The following ZSWIM9 variants were observed in gnomAD, a reference collection of about 807,000 sequenced individuals.
ZSWIM9 encodes uncharacterized protein ZSWIM9.
ZSWIM9 carries 11 observed loss-of-function variants against 25.0 expected under a neutral mutation model. The observed-to-expected ratio is 0.44, with a 90% CI of 0.28 to 0.73. The LOEUF is 0.73. Ranked by LOEUF, ZSWIM9 falls within the 30% of genes least tolerant of loss-of-function variation. The probability of loss-of-function intolerance (pLI) is 0.16; values close to 1 mark genes in which losing one functional copy is unlikely to be tolerated. For missense variants in ZSWIM9, 1,070 were observed against 1,296.5 expected, an observed-to-expected ratio of 0.83 and a Z score of 2.68; for synonymous variants, 562 against 582.1, an observed-to-expected ratio of 0.97 and a Z score of 0.50.
intron 3 of ZSWIM9, among the ~76,000 whole-genome samples, chr19:48,184,032 G>A (rs2036984423): frequency 6.6e-6 from 1 of 151,816 alleles, no homozygotes; most frequent in Non-Finnish European, 1.5e-5. Context: ...TTCTCAAGGG[G>A]AGAACACACC....
rs2037154692 is a variant in ZSWIM9, at chr19:48,195,746, G to T, written c.1682G>T (p.Gly561Val). 31 of 1,485,598 alleles carry T rather than the reference G, an allele frequency of 2.1e-5. No homozygotes were observed. The highest frequency in any genetic ancestry group is 2.8e-5 in the Non-Finnish European group (31 of 1,125,656). The allele number at this position is 1,485,598 out of a possible 1,614,324, so 92.0% of individuals were successfully genotyped here. The change falls in exon 4 of 4, where the codon GGG (glycine) becomes GTG (valine). Residue 561 changes from glycine (G) to valine (V), a missense_variant. Gly to Val is a moderately radical substitution (Grantham distance 109). Coordinates refer to ENST00000614654, the MANE Select transcript of ZSWIM9 (RefSeq NM_199341.4). The surrounding 1 kb of genome is among the most constrained non-coding windows in gnomAD (Gnocchi z 5.8). ...GGGCCAGAGATTAGAGACTGGAGGG[G>T]GCCCCAGTTGGAGGGTGAGAAAGAT... ...LRGPEIRDWRGPQLEGEKDWG... is the reference protein window; with the variant it reads ...LRGPEIRDWRVPQLEGEKDWG...
In ZSWIM9 at chr19:48,196,088, C is replaced by A; in HGVS notation, c.2024C>A (p.Ala675Asp). The change falls in exon 4 of 4, where the codon GCC becomes GAC. Residue 675 changes from alanine to aspartate, a missense_variant. Ala to Asp is a moderately radical substitution (Grantham distance 126, BLOSUM62 -2). Coordinates refer to ENST00000614654, the MANE Select transcript of ZSWIM9 (RefSeq NM_199341.4). ...GIPLEKSLEL[A>D]PENGDQRGPQ... ...CCCTTGGAGAAGTCCCTGGAGTTGG[C>A]CCCTGAGAACGGAGACCAAAGGGGA... 1.6e-6 allele frequency: 2 copies of A among 1,242,598 alleles called. No homozygotes were observed. The highest frequency in any genetic ancestry group is 2.0e-6 in the Non-Finnish European group (2 of 994,824). The allele number at this position is 1,242,598 out of a possible 1,614,324, so 77.0% of individuals were successfully genotyped here. A position where few individuals can be genotyped will look rare whatever the true frequency, so the allele number is the denominator to read the frequency against.
Position 48,197,257 on chromosome 19 carries a change from TGAAG to T in ZSWIM9, c.*433_*436del, listed in dbSNP as rs1486556606. ...AAAGGGAGAAAGTACAGAAGACAGA[TGAAG>T]GAGAGGAGGTAAGCGAGAAAAAATG... On this transcript the variant is annotated 3_prime_UTR_variant, in exon 4 of 4. Transcript: ENST00000614654. 7.2e-6 allele frequency: 5 copies of T among 697,028 alleles called. No individual in the cohort carries two copies. Among genetic ancestry groups the T allele is most frequent in the Non-Finnish European group, 1.3e-5 (5 of 383,150 alleles). The allele number at this position is 697,028 out of a possible 1,614,324, so 43.2% of individuals were successfully genotyped here.
At chr19:48,178,801 C>G (rs919474680) in intron 2 of ZSWIM9, among the ~76,000 whole-genome samples, 1 of 152,110 alleles carries the variant, frequency 6.6e-6, no homozygotes, top group Non-Finnish European at 1.5e-5. Context: ...GTCTCGAACT[C>G]TTGACCTCGT....
At chr19:48,176,062 C>T (rs373461144) in intron 2 of ZSWIM9, among the ~76,000 whole-genome samples, 7 of 152,034 alleles carry the variant, frequency 4.6e-5, no homozygotes, top group African/African-American at 1.7e-4. Context: ...AAAAATTAGC[C>T]GGGCCTGGTG....
In ZSWIM9 at chr19:48,182,373, T is replaced by TAAAAA; in HGVS notation, c.276-72_276-68dup. On this transcript the variant is annotated intron_variant, in intron 2 of 3. Transcript: ENST00000614654. This position sits in a 1 kb window ranked among gnomAD's most constrained non-coding sequence, Gnocchi z 4.6. ...TCTATGCCTGAAACAATTCTTAGTT[T>TAAAAA]AAAAAAAAAAAAAAGGTGAGTGGAA... 4 of 1,029,926 alleles carry TAAAAA rather than the reference T, an allele frequency of 3.9e-6. No homozygotes were observed. The highest frequency in any genetic ancestry group is 1.7e-5 in the African/African-American group (1 of 58,532). The allele number at this position is 1,029,926 out of a possible 1,614,324, so 63.8% of individuals were successfully genotyped here.
rs1322454851 is a variant in ZSWIM9 at position 48,182,673 on chromosome 19, G to A, written c.494G>A (p.Arg165His). 1.5e-5 allele frequency: 23 copies of A among 1,535,630 alleles called. No homozygotes were observed. Among genetic ancestry groups the A allele is most frequent in the African/African-American group, 6.8e-5 (5 of 73,022 alleles). ...SKQFVAPADV[R>H]RLLSYCKGRD... ...CAGTTCGTGGCCCCAGCCGACGTGC[G>A]CCGCCTGCTGTCCTACTGCAAGGGC... The change falls in exon 3 of 4, where the codon CGC becomes CAC. Residue 165 changes from arginine (R) to histidine (H), a missense_variant. Physicochemically the swap from Arg to His is conservative, Grantham distance 29 (BLOSUM62 0). Around this residue, in one of 4 missense-constraint regions of ZSWIM9, gnomAD observed 265 missense variants for 339.0 expected, o/e 0.78. Coordinates refer to ENST00000614654, the MANE Select transcript of ZSWIM9 (RefSeq NM_199341.4). The surrounding 1 kb of genome is among the most constrained non-coding windows in gnomAD (Gnocchi z 4.6).
At chr19:48,187,485 ATTATATTATAATATAT>A in intron 3 of ZSWIM9, among the ~76,000 whole-genome samples, 1 of 56,808 alleles carries the variant, frequency 1.8e-5, no homozygotes. Flanking sequence ...TATATTATAT[ATTATATTATAATATAT>A]TATATTATAT....
chr19:48,197,223 G>T lies in ZSWIM9; in HGVS notation c.*396G>T, dbSNP rs755660565. The T allele has an allele frequency of 2.8e-6, 2 of 702,388 alleles. No individual in the cohort carries two copies. The highest frequency in any genetic ancestry group is 3.5e-5 in the African/African-American group (2 of 57,102). 43.5% of individuals were successfully genotyped at this position (702,388 alleles called of 1,614,324 possible). A position where few individuals can be genotyped will look rare whatever the true frequency, so the allele number is the denominator to read the frequency against. On this transcript the variant is annotated 3_prime_UTR_variant, in exon 4 of 4. Transcript: ENST00000614654. ...CTGGCCAGTCTAGGGAGTGCAGCGG[G>T]GAGAGGGGAAAGGGAGAAAGTACAG... is the stretch of plus-strand genomic sequence containing the variant.
intron 1 of ZSWIM9, 149 bp downstream of exon 1, chr19:48,170,863 G>C (rs992131214): frequency 6.3e-6 from 1 of 157,744 alleles, no homozygotes; most frequent in African/African-American, 2.4e-5. Flanking sequence ...CTCGAGGGGA[G>C]ACGCGCAGCT....
At position 48,194,958 on chromosome 19, in the gene ZSWIM9, G is replaced by A; in HGVS notation, c.894G>A (p.Val298=). Reference sequence around the variant, plus strand: ...GCTGCCTCACCGCCGGGCCCGAGGTGGCGGCGCAGTTGCCTGCAGTGCGCC... The same window carrying A: ...GCTGCCTCACCGCCGGGCCCGAGGTAGCGGCGCAGTTGCCTGCAGTGCGCC... ...RVRCLTAGPE[V]AAQLPAVRQL... Residue 298 remains valine, a synonymous_variant, in exon 4 of 4, where the codon GTG becomes GTA. Transcript: ENST00000614654. The surrounding 1 kb of genome is among the most constrained non-coding windows in gnomAD (Gnocchi z 6.0). 3.8e-6 allele frequency: 5 copies of A among 1,330,022 alleles called. No homozygotes were observed. In the South Asian group the frequency reaches 8.1e-5, roughly 21 times the overall value. The allele number at this position is 1,330,022 out of a possible 1,614,324, so 82.4% of individuals were successfully genotyped here.
rs2037169431 is a variant in ZSWIM9 at position 48,196,599 on chromosome 19, T to C, written c.2535T>C (p.Ala845=). The C allele has an allele frequency of 1.6e-6, 2 of 1,232,514 alleles. No homozygotes were observed. The highest frequency in any genetic ancestry group is 1.5e-5 in the African/African-American group (1 of 64,528). 76.3% of individuals were successfully genotyped at this position (1,232,514 alleles called of 1,614,324 possible). The change falls in exon 4 of 4, where the codon GCT becomes GCC. Residue 845 remains alanine (A), a synonymous_variant. Transcript: ENST00000614654. ...TGGTGGCTGAGGAGTTGGCCTTTGC[T>C]AGGCAGCATGGGACCCGGGGTTTCC... is the stretch of plus-strand genomic sequence containing the variant. ...ADLVAEELAF[A]RQHGTRGFHW...
At chr19:48,188,855 C>T (rs2037061361) in intron 3 of ZSWIM9, among the ~76,000 whole-genome samples, 1 of 151,806 alleles carries the variant, frequency 6.6e-6, no homozygotes, top group Non-Finnish European at 1.5e-5. Flanking sequence ...CATGGTGAAA[C>T]CCCGTCTCTA....
chr19:48,190,214 AAAAG>A (rs970405310), intron 3 of ZSWIM9, among the ~76,000 whole-genome samples: 2 of 151,592 alleles, frequency 1.3e-5, no homozygotes, highest in Non-Finnish European at 2.9e-5. Context: ...AAAAAAAAAA[AAAAG>A]AAAGAAAATT....
intron 2 of ZSWIM9, among the ~76,000 whole-genome samples, chr19:48,177,896 C>T (rs1338629204): frequency 6.6e-6 from 1 of 152,074 alleles, no homozygotes; most frequent in Non-Finnish European, 1.5e-5. Flanking sequence ...TCTAAATGTG[C>T]ATTATTTTTG....
chr19:48,172,208 C>T (rs2036838581), intron 2 of ZSWIM9, 131 bp downstream of exon 2: 1 of 826,192 alleles, frequency 1.2e-6, no homozygotes, highest in South Asian at 1.8e-5. Context: ...CAGCCAAATA[C>T]ACCTTGCAGA....
Position 48,195,453 on chromosome 19 carries a change from G to A in ZSWIM9, c.1389G>A (p.Gln463=). The stretch of plus-strand genomic sequence containing the variant: ...AGGATGAGCCAGGGAGGGGAGCCCA[G>A]GGGGAGAACGAGAGGGTGAGGGGCC... ...WLEDEPGRGA[Q]GENERVRGLE... is the part of the protein sequence containing the mutation. The change falls in exon 4 of 4, where the codon CAG becomes CAA. Residue 463 remains glutamine (Q), a synonymous_variant. Coordinates refer to ENST00000614654, the MANE Select transcript of ZSWIM9 (RefSeq NM_199341.4). This position sits in a 1 kb window ranked among gnomAD's most constrained non-coding sequence, Gnocchi z 5.8. 7.0e-7 allele frequency: 1 copy of A among 1,431,000 alleles called. No individual in the cohort carries two copies. The allele number at this position is 1,431,000 out of a possible 1,614,324, so 88.6% of individuals were successfully genotyped here.
intron 3 of ZSWIM9, among the ~76,000 whole-genome samples, chr19:48,192,480 A>AATATATATATATAT (rs1555787871): frequency 4.6e-4 from 8 of 17,378 alleles, no homozygotes; most frequent in East Asian, 2.4e-3. Flanking sequence ...AAAAAAAAAA[A>AATATATATATATAT]ATATATATAT....
In ZSWIM9 at chr19:48,182,697, GCCGCGA is replaced by G. The variant is rs2123254522; in HGVS notation, c.521_526del (p.Arg174_Asp175del). The G allele has an allele frequency of 2.0e-6, 3 of 1,535,590 alleles. No homozygotes were observed. Among genetic ancestry groups the G allele is most frequent in the East Asian group, 4.9e-5 (2 of 40,892 alleles). On this transcript the variant is annotated inframe_deletion, in exon 3 of 4. Coordinates refer to ENST00000614654, the MANE Select transcript of ZSWIM9 (RefSeq NM_199341.4). The surrounding 1 kb of genome is among the most constrained non-coding windows in gnomAD (Gnocchi z 4.6). ...CGCCGCCTGCTGTCCTACTGCAAGG[GCCGCGA>G]CCACGGCGTCCTGGACGCCCTGCAC... is the stretch of plus-strand genomic sequence containing the variant.
Sources: gnomAD v4.1 joint callset for allele counts (sites outside exome capture counted in the v4.1 genomes callset) on GRCh38, gnomAD v4.1.1 for gene constraint, gnomAD v4.1.1 regional missense constraint, Gnocchi (gnomAD v3.1) non-coding constraint, MANE v1.5 for transcripts, NCBI Gene and HGNC (gene_info 2026-07-23, HGNC 2026-07-21) for gene names.